The following ZNF30 variants were observed in gnomAD, a reference collection of about 807,000 sequenced individuals.
The protein encoded by ZNF30 is zinc finger protein 30, also known as zinc finger protein 30 (KOX 28).
Under a neutral mutation model 13.2 loss-of-function variants are expected in ZNF30, and 15 were observed. The observed-to-expected ratio is 1.13, with a 90% CI of 0.76 to 1.75. The LOEUF is 1.75. Among genes scored for constraint, ZNF30 ranks in the 40% most tolerant of loss-of-function variants. ZNF30 has a pLI of 0.00. For missense variants in ZNF30, 726 were observed against 757.0 expected (o/e 0.96, Z 0.48); for synonymous variants, 223 against 256.6 (o/e 0.87, Z 1.25).
chr19:34,943,124 T>C, intron 4 of ZNF30, 99 bp from the exon 5 acceptor site: 2 of 824,286 alleles, frequency 2.4e-6, no homozygotes. Context: ...ATTACTGAGC[T>C]ATTTATTTCT....
chr19:34,942,526 G>A (rs577197855), intron 4 of ZNF30: 16 of 681,570 alleles, frequency 2.3e-5, no homozygotes, highest in African/African-American at 1.3e-4. Flanking sequence ...AGACATGGAC[G>A]TCCTTAGACA....
At chr19:34,942,613 A>G in intron 4 of ZNF30, 1 of 1,288,842 alleles carries the variant, frequency 7.8e-7, no homozygotes, top group Admixed American at 2.3e-5. Context: ...GCTCCAGTCT[A>G]CAAACAAAAC....
upstream of ZNF30, among the ~76,000 whole-genome samples, chr19:34,923,991 A>G (rs1338887942): frequency 6.6e-6 from 1 of 152,208 alleles, no homozygotes; most frequent in Admixed American, 6.5e-5. Context: ...GTGGCCAGAG[A>G]AAGTTTCCTG....
chr19:34,944,912 G>C lies in ZNF30; in HGVS notation c.*74G>C. The stretch of plus-strand genomic sequence containing the variant: ...GAACATCGGGGAATTTATGCTGGTA[G>C]GAAACTTTCAAATGTGAAGAATATT... On this transcript the variant is annotated 3_prime_UTR_variant, in exon 5 of 5. Transcript: ENST00000601142. 1 of 1,389,034 alleles carries C rather than the reference G, an allele frequency of 7.2e-7. No homozygotes were observed. Among genetic ancestry groups the C allele is most frequent in the East Asian group, 2.4e-5 (1 of 42,010 alleles). 86.0% of individuals were successfully genotyped at this position (1,389,034 alleles called of 1,614,324 possible).
intron 3 of ZNF30, among the ~76,000 whole-genome samples, chr19:34,932,773 C>CAT (rs2012520878): frequency 6.7e-6 from 1 of 149,446 alleles, no homozygotes. Context: ...ATCACAATGT[C>CAT]ATACTTTCTT....
At chr19:34,939,163 CCCTCCGCTCCCCTCCCTCCCCTA>C (rs1369639440) in intron 4 of ZNF30, among the ~76,000 whole-genome samples, 24 of 80,444 alleles carry the variant, frequency 3.0e-4, no homozygotes, top group East Asian at 2.6e-3. Context: ...TCCCTCCCCT[CCCTCCGCTCCCCTCCCTCCCCTA>C]TCCTCTTTTC....
chr19:34,943,848 G>C lies in ZNF30; in HGVS notation c.882G>C (p.Gly294=), dbSNP rs916048952. 6.2e-7 allele frequency: 1 copy of C among 1,614,080 alleles called. No homozygotes were observed. The highest frequency in any genetic ancestry group is 1.6e-4 in the Middle Eastern group (1 of 6,062). The change falls in exon 5 of 5, where the codon GGG becomes GGC. Residue 294 remains glycine (G), a synonymous_variant. Coordinates refer to ENST00000601142, the MANE Select transcript of ZNF30 (RefSeq NM_194325.3). ...SEKPYECKEC[G]KAFSTSSPLA... ...AACCTTACGAATGCAAAGAATGTGGGAAGGCCTTTAGCACTAGCTCACCCC... is the reference window on the plus strand; with the variant it reads ...AACCTTACGAATGCAAAGAATGTGGCAAGGCCTTTAGCACTAGCTCACCCC...
At chr19:34,941,775 T>C (rs1351452554) in intron 4 of ZNF30, among the ~76,000 whole-genome samples, 1 of 152,260 alleles carries the variant, frequency 6.6e-6, no homozygotes, top group Non-Finnish European at 1.5e-5. Flanking sequence ...AGTGCTTTAG[T>C]GGCCACCCCA....
At chr19:34,923,920 T>C (rs573454034), upstream of ZNF30, 15 of 152,318 alleles carry the variant, frequency 9.8e-5, no homozygotes, top group African/African-American at 3.1e-4. Context: ...TTTCAGGAAA[T>C]GCAGTGAGAA....
upstream of ZNF30, chr19:34,926,844 G>C (rs1277156125): frequency 5.0e-6 from 2 of 396,670 alleles, no homozygotes; most frequent in Non-Finnish European, 8.9e-6. Context: ...GAGCGCCTGC[G>C]CCTGCGCATT....
chr19:34,928,783 G>A (rs1229817401), intron 1 of ZNF30, among the ~76,000 whole-genome samples: 1 of 152,138 alleles, frequency 6.6e-6, no homozygotes, highest in East Asian at 1.9e-4. Context: ...CTGCACTCCA[G>A]CCTGGGCAAC....
chr19:34,927,558 A>T (rs1216191231), intron 1 of ZNF30, among the ~76,000 whole-genome samples: 1 of 152,258 alleles, frequency 6.6e-6, no homozygotes, highest in African/African-American at 2.4e-5. Context: ...GAGCAATGTC[A>T]TCTGAAAATT....
intron 1 of ZNF30, among the ~76,000 whole-genome samples, chr19:34,927,456 C>T (rs2012138400): frequency 6.6e-6 from 1 of 152,196 alleles, no homozygotes; most frequent in African/African-American, 2.4e-5. Context: ...GTTATGATAC[C>T]TTTTGCATGC....
chr19:34,943,815 C>T lies in ZNF30; in HGVS notation c.849C>T (p.Thr283=), dbSNP rs201278194. The T allele has an allele frequency of 1.9e-6, 3 of 1,612,244 alleles. No homozygotes were observed. Among genetic ancestry groups the T allele is most frequent in the Non-Finnish European group, 2.5e-6 (3 of 1,179,368 alleles). The part of the protein sequence containing the change: ...SYLVQHQRIH[T]SEKPYECKEC... ...TGGTTCAACATCAGCGAATTCATAC[C>T]AGTGAAAAACCTTACGAATGCAAAG... Residue 283 remains threonine (T), a synonymous_variant, in exon 5 of 5, where the codon ACC becomes ACT. Coordinates refer to ENST00000601142, the MANE Select transcript of ZNF30 (RefSeq NM_194325.3).
At chr19:34,940,451 T>C (rs2012984458) in intron 4 of ZNF30, among the ~76,000 whole-genome samples, 1 of 152,082 alleles carries the variant, frequency 6.6e-6, no homozygotes, top group Admixed American at 6.6e-5. Flanking sequence ...GCAGATCACC[T>C]GAGGTGAGGA....
Position 34,944,375 on chromosome 19 carries a change from A to C in ZNF30, c.1409A>C (p.His470Pro), listed in dbSNP as rs79233678. Residue 470 changes from histidine (H) to proline (P), a missense_variant, in exon 5 of 5, where the codon CAT (histidine) becomes CCT (proline). By Grantham distance (77) the His-to-Pro change is moderately conservative (BLOSUM62 -2). Transcript: ENST00000601142. ...ECGKAFRVHV[H>P]LTQHRKIHTD... is the part of the protein sequence containing the mutation. ...GGCAAGGCCTTCAGAGTGCACGTAC[A>C]TCTCACACAGCATCGGAAAATTCAT... 3.1e-4 allele frequency: 505 copies of C among 1,614,202 alleles called. No individual in the cohort carries two copies. The highest frequency in any genetic ancestry group is 9.0e-4 in the South Asian group (82 of 91,086).
chr19:34,924,404 A>T (rs2011997912), upstream of ZNF30, among the ~76,000 whole-genome samples: 1 of 152,044 alleles, frequency 6.6e-6, no homozygotes, highest in African/African-American at 2.4e-5. Flanking sequence ...TATTGTATTC[A>T]CCCCTCACCC....
chr19:34,928,057 T>G (rs1312404160), intron 1 of ZNF30, among the ~76,000 whole-genome samples: 1 of 151,396 alleles, frequency 6.6e-6, no homozygotes, highest in African/African-American at 2.4e-5. Flanking sequence ...ATATAAAAAT[T>G]AGCCAGGCAT....
rs1426002726 is a variant in ZNF30 at position 34,943,713 on chromosome 19, G to A, written c.747G>A (p.Arg249=). ...KAFLVYGKLT[R]HQSTHTGEKP... ...TTCTAGTATATGGAAAGCTTACCCGGCATCAGAGTACTCACACTGGTGAAA... is the reference window on the plus strand; with the variant it reads ...TTCTAGTATATGGAAAGCTTACCCGACATCAGAGTACTCACACTGGTGAAA... The change falls in exon 5 of 5, where the codon CGG becomes CGA. Residue 249 remains arginine (R), a synonymous_variant. Transcript: ENST00000601142. 2 of 1,613,258 alleles carry A rather than the reference G, an allele frequency of 1.2e-6. No individual in the cohort carries two copies. The highest frequency in any genetic ancestry group is 1.7e-6 in the Non-Finnish European group (2 of 1,179,584).
Sources: allele counts gnomAD v4.1 joint callset (sites outside exome capture counted in the v4.1 genomes callset), GRCh38; gene constraint gnomAD v4.1.1; transcripts MANE v1.5; gene names NCBI Gene and HGNC (gene_info 2026-07-23, HGNC 2026-07-21).